Variants in CFAP20DC observed in about 807,000 individuals in gnomAD.
The protein encoded by CFAP20DC is CFAP20 domain containing, also known as protein CFAP20DC.
Under a neutral mutation model 101.7 loss-of-function variants are expected in CFAP20DC, and 84 were observed. The ratio of observed to expected loss-of-function variants is 0.83; its 90% CI spans 0.69 to 0.99. The LOEUF (loss-of-function observed/expected upper bound fraction) is 0.99, where lower values mean the gene tolerates loss of function less well. Ranked by LOEUF, CFAP20DC falls within the 50% of genes least tolerant of loss-of-function variation. CFAP20DC has a pLI of 0.00. For missense variants in CFAP20DC, 1,007 were observed against 970.3 expected, an observed-to-expected ratio of 1.04 and a Z score of -0.50; for synonymous variants, 359 against 351.2, an observed-to-expected ratio of 1.02 and a Z score of -0.25.
intron 14 of CFAP20DC, among the ~76,000 whole-genome samples, chr3:58,818,165 G>A (rs1392602273): frequency 5.3e-5 from 8 of 151,478 alleles, no homozygotes; most frequent in African/African-American, 7.3e-5. Flanking sequence ...AGGAACAACC[G>A]GTACCAGCCG....
intron 12 of CFAP20DC, among the ~76,000 whole-genome samples, chr3:58,853,418 G>A (rs2108355200): frequency 6.6e-6 from 1 of 152,154 alleles, no homozygotes; most frequent in South Asian, 2.1e-4. Flanking sequence ...AGGAAGAACT[G>A]GTACCATTCC....
intron 6 of CFAP20DC, among the ~76,000 whole-genome samples, chr3:58,889,002 CTTT>C (rs772463592): frequency 4.1e-5 from 6 of 145,218 alleles, no homozygotes; most frequent in Middle Eastern, 3.6e-3. Flanking sequence ...TTTTTTTTTA[CTTT>C]TTTTTTTAAT....
intron 3 of CFAP20DC, among the ~76,000 whole-genome samples, chr3:58,734,931 A>G (rs1407321896): frequency 6.6e-6 from 1 of 152,212 alleles, no homozygotes. Flanking sequence ...GCTACAGATA[A>G]TGGGAAATTG....
intron 13 of CFAP20DC, among the ~76,000 whole-genome samples, chr3:58,847,560 C>G (rs1575898463): frequency 6.6e-6 from 1 of 152,248 alleles, no homozygotes; most frequent in Non-Finnish European, 1.5e-5. Context: ...CACTTTTACA[C>G]TGTTGCTGGG....
chr3:59,008,866 T>C (rs1314010560), intron 4 of CFAP20DC, among the ~76,000 whole-genome samples: 5 of 151,346 alleles, frequency 3.3e-5, no homozygotes, highest in Admixed American at 3.3e-4. Context: ...ATAATAATAA[T>C]AAAATTTAAA....
chr3:58,831,945 T>A, intron 13 of CFAP20DC, 56 bp from the exon 14 acceptor site: 1 of 1,473,824 alleles, frequency 6.8e-7, no homozygotes, highest in Non-Finnish European at 9.5e-7. Flanking sequence ...CTACGGCTAC[T>A]AACAAATGCC....
chr3:58,819,264 T>C (rs2075429876), intron 14 of CFAP20DC, among the ~76,000 whole-genome samples: 1 of 151,960 alleles, frequency 6.6e-6, no homozygotes, highest in Non-Finnish European at 1.5e-5. Flanking sequence ...ATTCAAAAGC[T>C]AGCAGAAGGC....
chr3:58,861,654 T>A lies in CFAP20DC; in HGVS notation c.1593+1904A>T, dbSNP rs1404580336. On this transcript the variant is annotated intron_variant, in intron 12 of 16. Transcript: ENST00000482387. This position sits in a 1 kb window ranked among gnomAD's most constrained non-coding sequence, Gnocchi z 4.0. ...TGTATCTTAGCTTGTATCTCGTTAG[T>A]CTCTGTACCAGCAAACCCCAAAGCT... 1 of 985,344 alleles carries A rather than the reference T, an allele frequency of 1.0e-6. No individual in the cohort carries two copies. The highest frequency in any genetic ancestry group is 1.2e-6 in the Non-Finnish European group (1 of 829,942). The allele number at this position is 985,344 out of a possible 1,614,324, so 61.0% of individuals were successfully genotyped here.
intron 15 of CFAP20DC, among the ~76,000 whole-genome samples, chr3:58,774,048 T>C (rs1040678804): frequency 2.6e-5 from 4 of 151,886 alleles, no homozygotes; most frequent in Admixed American, 6.5e-5. Flanking sequence ...TGGAAAACTA[T>C]ACAGTGACTC....
chr3:58,912,700 C>A lies in CFAP20DC; in HGVS notation c.550+1008G>T, dbSNP rs1469489767. The stretch of plus-strand genomic sequence containing the variant: ...TTTTGGTTGTTTAAAACCATCTGAG[C>A]AGTATGGTGTGCTACCTTATGAATT... On this transcript the variant is annotated intron_variant, in intron 6 of 16. Coordinates refer to ENST00000482387, the MANE Select transcript of CFAP20DC (RefSeq NM_001394063.1). The surrounding 1 kb of genome is among the most constrained non-coding windows in gnomAD (Gnocchi z 4.4). The A allele has an allele frequency of 2.2e-6, 1 of 455,738 alleles. No homozygotes were observed. The highest frequency in any genetic ancestry group is 2.0e-5 in the African/African-American group (1 of 49,988). 28.2% of individuals were successfully genotyped at this position (455,738 alleles called of 1,614,324 possible). A position where few individuals can be genotyped will look rare whatever the true frequency, so the allele number is the denominator to read the frequency against.
intron 12 of CFAP20DC, among the ~76,000 whole-genome samples, chr3:58,850,863 T>C (rs2078167154): frequency 6.6e-6 from 1 of 152,122 alleles, no homozygotes; most frequent in Non-Finnish European, 1.5e-5. Context: ...GGGTGACTGA[T>C]TGAACTGTTC....
chr3:59,012,165 T>C (rs768143991), intron 4 of CFAP20DC, among the ~76,000 whole-genome samples: 1 of 152,136 alleles, frequency 6.6e-6, no homozygotes, highest in Non-Finnish European at 1.5e-5. Context: ...GCACAGAAGA[T>C]GAAGTAGTCA....
At chr3:59,004,464 C>T (rs2093385727) in intron 4 of CFAP20DC, among the ~76,000 whole-genome samples, 1 of 152,054 alleles carries the variant, frequency 6.6e-6, no homozygotes, top group Admixed American at 6.5e-5. Flanking sequence ...ACAGATAAGG[C>T]CACTATAATG....
intron 14 of CFAP20DC, among the ~76,000 whole-genome samples, chr3:58,816,459 C>G (rs1291660292): frequency 6.6e-6 from 1 of 152,126 alleles, no homozygotes; most frequent in Admixed American, 6.5e-5. Flanking sequence ...CGAAGCAGGG[C>G]GAGGCATTGC....
At chr3:59,043,735 G>T (rs1237441127) in intron 3 of CFAP20DC, among the ~76,000 whole-genome samples, 1 of 152,126 alleles carries the variant, frequency 6.6e-6, no homozygotes, top group Non-Finnish European at 1.5e-5. Flanking sequence ...TGACAGAGCT[G>T]CTCCTCATAT....
In CFAP20DC at chr3:58,940,482, T is replaced by C. The variant is rs9882157; in HGVS notation, c.279-2720A>G. On this transcript the variant is annotated intron_variant, in intron 4 of 16. Coordinates refer to ENST00000482387, the MANE Select transcript of CFAP20DC (RefSeq NM_001394063.1). ...TATGACATAGGGGTTGGAGTTCTTT[T>C]CTTTCTGTATGTTTATACAATTGTC... Among the ~76,000 whole-genome samples the C allele has an allele frequency of 4.1e-3, 623 of 152,340 alleles. 7 individuals carry two copies. The highest frequency in any genetic ancestry group is 0.014 in the African/African-American group (601 of 41,582).
At chr3:58,893,090 C>G (rs1348249115) in intron 6 of CFAP20DC, among the ~76,000 whole-genome samples, 1 of 149,244 alleles carries the variant, frequency 6.7e-6, no homozygotes, top group East Asian at 2.0e-4. Context: ...GTCGCCCAGG[C>G]TGGAGTGCAG....
chr3:58,729,844 C>A lies in CFAP20DC; in HGVS notation c.198-12216G>T, dbSNP rs1247270094. ...GACCAGCGTGACCAACACGGAGAAA[C>A]CCTGTCTCTACTAAAAATACAAAAT... On this transcript the variant is annotated intron_variant, in intron 3 of 3. Coordinates refer to the CFAP20DC transcript ENST00000486145. The surrounding 1 kb of genome is among the most constrained non-coding windows in gnomAD (Gnocchi z 4.4). Among the ~76,000 whole-genome samples the A allele has an allele frequency of 6.6e-6, 1 of 151,768 alleles. No individual in the cohort carries two copies. The highest frequency in any genetic ancestry group is 1.5e-5 in the Non-Finnish European group (1 of 67,954).
In CFAP20DC at chr3:59,007,622, G is replaced by A. The variant is rs557634111; in HGVS notation, c.278+31935C>T. On this transcript the variant is annotated intron_variant, in intron 4 of 16. Transcript: ENST00000482387. The surrounding 1 kb of genome is among the most constrained non-coding windows in gnomAD (Gnocchi z 4.4). Reference sequence around the variant, plus strand: ...CTCTCACAGAGCCTACATCACTGCCGTGCTACCTCCACCAGAGCAGGTGCT... The same window carrying A: ...CTCTCACAGAGCCTACATCACTGCCATGCTACCTCCACCAGAGCAGGTGCT... Among the ~76,000 whole-genome samples the A allele has an allele frequency of 2.6e-5, 4 of 152,298 alleles. No individual in the cohort carries two copies. The East Asian group carries it at 5.8e-4, about 22-fold the overall frequency.
Sources: gnomAD v4.1 joint callset for allele counts (sites outside exome capture counted in the v4.1 genomes callset) on GRCh38, gnomAD v4.1.1 for gene constraint, Gnocchi (gnomAD v3.1) non-coding constraint, MANE v1.5 for transcripts, NCBI Gene and HGNC (gene_info 2026-07-23, HGNC 2026-07-21) for gene names.